The following IL22RA1 variants were observed in gnomAD, a reference collection of about 807,000 sequenced individuals.
IL22RA1 encodes interleukin 22 receptor subunit alpha 1.
Under a neutral mutation model 32.8 loss-of-function variants are expected in IL22RA1, and 25 were observed. The observed-to-expected ratio is 0.76, with a 90% confidence interval of 0.55 to 1.06. The LOEUF is 1.06. Among genes scored for constraint, IL22RA1 ranks in the 50% least tolerant of loss-of-function variants. The pLI, the probability that IL22RA1 is intolerant of heterozygous loss-of-function variation, is 0.00. For synonymous variants in IL22RA1, 305 were observed against 305.0 expected (o/e 1.00, Z 0.00); for missense variants, 709 against 727.4 (o/e 0.97, Z 0.29).
chr1:24,121,437 C>T lies in IL22RA1; in HGVS notation c.1093G>A (p.Ala365Thr). Residue 365 changes from alanine (A) to threonine (T), a missense_variant, in exon 7 of 7, where the codon GCA becomes ACA. Physicochemically the swap from Ala to Thr is moderately conservative, Grantham distance 58 (BLOSUM62 0). Transcript: ENST00000270800. ...TGAGCTTCGGGGGTCACCTGAGGTGCATAGGATGGGGGCCCGACCTCAGGG... is the reference window on the plus strand; with the variant it reads ...TGAGCTTCGGGGGTCACCTGAGGTGTATAGGATGGGGGCCCGACCTCAGGG... ...AAPEVGPPSY[A>T]PQVTPEAQFP... 11 of 1,548,494 alleles carry T rather than the reference C, an allele frequency of 7.1e-6. No homozygotes were observed. The highest frequency in any genetic ancestry group is 9.6e-6 in the Non-Finnish European group (11 of 1,145,488).
chr1:24,142,958 T>C, intron 1 of IL22RA1, 82 bp downstream of exon 1: 1 of 1,336,920 alleles, frequency 7.5e-7, no homozygotes, highest in Non-Finnish European at 1.1e-6. Context: ...ATGCTCGGGC[T>C]GGGGAGGGTG....
At chr1:24,142,080 G>A (rs887489510) in intron 1 of IL22RA1, among the ~76,000 whole-genome samples, 5 of 152,178 alleles carry the variant, frequency 3.3e-5, no homozygotes, top group Admixed American at 6.5e-5. Context: ...CTAAAGGGAC[G>A]TGTCTTGGTG....
intron 4 of IL22RA1, among the ~76,000 whole-genome samples, chr1:24,133,573 T>C (rs1644221314): frequency 6.6e-6 from 1 of 152,216 alleles, no homozygotes. Context: ...CCTCTTATTA[T>C]TACTCATCCT....
chr1:24,138,386 C>A (rs1644257536), intron 2 of IL22RA1, among the ~76,000 whole-genome samples, 196 bp downstream of exon 2: 1 of 152,220 alleles, frequency 6.6e-6, no homozygotes, highest in African/African-American at 2.4e-5. Context: ...CAGCCTGACC[C>A]TATCACCTGT....
intron 6 of IL22RA1, 96 bp downstream of exon 6, chr1:24,123,206 T>A (rs1644137267): frequency 3.4e-6 from 5 of 1,491,860 alleles, no homozygotes; most frequent in Non-Finnish European, 4.5e-6. Flanking sequence ...ATCTCCTGCT[T>A]TGTCTGTGGA....
In IL22RA1 at chr1:24,120,940, C is replaced by T; in HGVS notation, c.1590G>A (p.Trp530Ter). The T allele has an allele frequency of 6.2e-7, 1 of 1,614,196 alleles. No homozygotes were observed. The highest frequency in any genetic ancestry group is 8.5e-7 in the Non-Finnish European group (1 of 1,180,036). The change falls in exon 7 of 7, where the codon TGG (tryptophan) becomes TGA (stop). Residue 530 changes from tryptophan (W) to a stop codon, truncating the protein, a stop_gained. Coordinates refer to ENST00000270800, the MANE Select transcript of IL22RA1 (RefSeq NM_021258.4). LOFTEE classifies it low-confidence loss of function (END_TRUNC). ...GACACACAAGGGACTCCAGCAGGCCCCAGGGACTTGGACCTTGGTCCGAGG... is the reference window on the plus strand; with the variant it reads ...GACACACAAGGGACTCCAGCAGGCCTCAGGGACTTGGACCTTGGTCCGAGG... ...CSPSDQGPSP[W>*]GLLESLVCPK...
At chr1:24,125,789 A>G (rs775586364) in intron 5 of IL22RA1, among the ~76,000 whole-genome samples, 5 of 152,252 alleles carry the variant, frequency 3.3e-5, no homozygotes, top group Non-Finnish European at 7.3e-5. Flanking sequence ...ACATGTAATA[A>G]TAAAGATTAA....
At chr1:24,132,493 G>A (rs1403543906) in intron 4 of IL22RA1, among the ~76,000 whole-genome samples, 1 of 151,694 alleles carries the variant, frequency 6.6e-6, no homozygotes, top group Non-Finnish European at 1.5e-5. Context: ...TACCATGCCC[G>A]GCTAATTTTT....
chr1:24,135,360 T>G (rs1189089601), intron 3 of IL22RA1, among the ~76,000 whole-genome samples: 1 of 152,252 alleles, frequency 6.6e-6, no homozygotes, highest in African/African-American at 2.4e-5. Flanking sequence ...TTTATTTTTC[T>G]TTGTATATTT....
chr1:24,142,481 G>C (rs984736968), intron 1 of IL22RA1, among the ~76,000 whole-genome samples: 1 of 152,180 alleles, frequency 6.6e-6, no homozygotes, highest in Non-Finnish European at 1.5e-5. Flanking sequence ...AATGAGTCCT[G>C]TGTCTTAAGA....
intron 3 of IL22RA1, among the ~76,000 whole-genome samples, chr1:24,135,639 G>A (rs542563039): frequency 6.6e-6 from 1 of 152,114 alleles, no homozygotes; most frequent in South Asian, 2.1e-4. Flanking sequence ...CACATGGCTG[G>A]GGAGGCCTCA....
chr1:24,121,542 G>C lies in IL22RA1; in HGVS notation c.988C>G (p.Pro330Ala), dbSNP rs1644122111. 1.3e-6 allele frequency: 2 copies of C among 1,599,656 alleles called. No homozygotes were observed. The highest frequency in any genetic ancestry group is 1.7e-6 in the Non-Finnish European group (2 of 1,170,336). ...SLSEITYLGQ[P>A]DISILQPSNV... ...GAGGGCTGGAGGATGGAGATGTCTG[G>C]CTGCCCTAAGTAGGTGATCTCGGAC... Residue 330 changes from proline to alanine, a missense_variant, in exon 7 of 7, where the codon CCA (proline) becomes GCA (alanine). Pro to Ala is a conservative substitution (Grantham distance 27, BLOSUM62 -1). Transcript: ENST00000270800.
rs543747270 is a variant in IL22RA1 at position 24,142,082 on chromosome 1, G to A, written c.43+958C>T. On this transcript the variant is annotated intron_variant, in intron 1 of 6. Transcript: ENST00000270800. ...TATGGCTGAGGGTCTAAAGGGACGT[G>A]TCTTGGTGCCTCAAGGGGGTGCCTC... Among the ~76,000 whole-genome samples, 53 of 152,296 alleles carry A rather than the reference G, an allele frequency of 3.5e-4. 1 individual carries two copies. In the South Asian group the frequency reaches 0.01, roughly 30 times the overall value.
At chr1:24,134,808 T>C in intron 3 of IL22RA1, 1 of 978,872 alleles carries the variant, frequency 1.0e-6, no homozygotes, top group Non-Finnish European at 1.2e-6. Context: ...CCTAATACTA[T>C]TGATGCAGCC....
At chr1:24,136,475 C>T (rs887958753) in intron 3 of IL22RA1, among the ~76,000 whole-genome samples, 7 of 151,428 alleles carry the variant, frequency 4.6e-5, no homozygotes, top group Non-Finnish European at 1.0e-4. Flanking sequence ...GAAATCAGGT[C>T]ATCAGGGCTG....
rs987736272 is a variant in IL22RA1 at position 24,120,169 on chromosome 1, A to G, written c.*636T>C. 8 of 152,264 alleles carry G rather than the reference A, an allele frequency of 5.3e-5. No individual in the cohort carries two copies. The highest frequency in any genetic ancestry group is 1.9e-4 in the African/African-American group (8 of 41,458). The allele number at this position is 152,264 out of a possible 1,614,324, so 9.4% of individuals were successfully genotyped here. Reference sequence around the variant, plus strand: ...GACCTGCATTTCGCTTTGTTCTATCAGAGGAATGAAGCTGAAATCGTGCAA... The same window carrying G: ...GACCTGCATTTCGCTTTGTTCTATCGGAGGAATGAAGCTGAAATCGTGCAA... On this transcript the variant is annotated 3_prime_UTR_variant, in exon 7 of 7. Transcript: ENST00000270800.
intron 3 of IL22RA1, chr1:24,135,071 C>A (rs1644233229): frequency 6.6e-6 from 1 of 152,282 alleles, no homozygotes; most frequent in African/African-American, 2.4e-5. Context: ...TGAGTCAGAA[C>A]AATGTTTACT....
chr1:24,124,185 G>T (rs956171192), intron 5 of IL22RA1, among the ~76,000 whole-genome samples: 2 of 152,158 alleles, frequency 1.3e-5, no homozygotes, highest in Non-Finnish European at 2.9e-5. Context: ...GCAGGGAAAG[G>T]CCCCTTTTGC....
At position 24,121,760 on chromosome 1, in the gene IL22RA1, A is replaced by AC. The variant is rs762720665; in HGVS notation, c.793-24dup. Reference sequence around the variant, plus strand: ...GTTCTGTGCAGGGACGACAACAGTCACCCCCCTGTGGTTAGGGTAAGTCCC... The same window carrying AC: ...GTTCTGTGCAGGGACGACAACAGTCACCCCCCCTGTGGTTAGGGTAAGTCCC... On this transcript the variant is annotated intron_variant, in intron 6 of 6. Coordinates refer to ENST00000270800, the MANE Select transcript of IL22RA1 (RefSeq NM_021258.4). 8.5e-5 allele frequency: 123 copies of AC among 1,453,636 alleles called. No individual in the cohort carries two copies. The South Asian group carries it at 1.2e-3, about 15-fold the overall frequency. The allele number at this position is 1,453,636 out of a possible 1,614,324, so 90.0% of individuals were successfully genotyped here. A position where few individuals can be genotyped will look rare whatever the true frequency, so the allele number is the denominator to read the frequency against.
Sources: gnomAD v4.1 joint callset for allele counts (sites outside exome capture counted in the v4.1 genomes callset) on GRCh38, gnomAD v4.1.1 for gene constraint, MANE v1.5 for transcripts, NCBI Gene and HGNC (gene_info 2026-07-23, HGNC 2026-07-21) for gene names.